Variants in CENPW observed in about 807,000 individuals in gnomAD.
CENPW encodes the protein centromere protein W, also known as cancer-up-regulated gene 2 protein.
CENPW carries 3 observed loss-of-function variants against 11.1 expected under a neutral mutation model. The observed-to-expected ratio is 0.27, with a 90% CI of 0.12 to 0.70. The LOEUF is 0.70. Ranked by LOEUF, CENPW falls within the 30% of genes least tolerant of loss-of-function variation. CENPW has a pLI of 0.77. For synonymous variants in CENPW, 38 were observed against 42.0 expected (o/e 0.91, Z 0.37); for missense variants, 100 against 105.6 (o/e 0.95, Z 0.23).
At chr6:126,413,068 G>A in the CENPW span, among the ~76,000 whole-genome samples, 2 of 151,994 alleles carry the variant, frequency 1.3e-5, no homozygotes, top group African/African-American at 4.8e-5. Flanking sequence ...AGTTATGTTT[G>A]TTTTCTGTAG....
At chr6:126,395,534 T>C in the CENPW span, among the ~76,000 whole-genome samples, 1 of 152,238 alleles carries the variant, frequency 6.6e-6, no homozygotes, top group Admixed American at 6.5e-5. Context: ...CCAGGATTGG[T>C]CTTTGGTGCC....
chr6:126,426,665 A>G, the CENPW span, among the ~76,000 whole-genome samples: 1 of 152,160 alleles, frequency 6.6e-6, no homozygotes, highest in African/African-American at 2.4e-5. Flanking sequence ...CCAATTAGAT[A>G]TTCATAAGGA....
the CENPW span, among the ~76,000 whole-genome samples, chr6:126,403,036 G>A: frequency 2.6e-5 from 4 of 151,890 alleles, no homozygotes; most frequent in Non-Finnish European, 5.9e-5. Context: ...CTTTTATGGT[G>A]ATCTGTAATC....
At chr6:126,432,447 T>C in the CENPW span, among the ~76,000 whole-genome samples, 2 of 152,224 alleles carry the variant, frequency 1.3e-5, no homozygotes, top group Non-Finnish European at 2.9e-5. Flanking sequence ...TACCAAAGAA[T>C]TGGCTTGAAC....
chr6:126,440,481 A>G, the CENPW span, among the ~76,000 whole-genome samples: 2 of 151,618 alleles, frequency 1.3e-5, no homozygotes, highest in East Asian at 1.9e-4. Context: ...CATATTCTAA[A>G]TATTCATCAA....
chr6:126,386,306 C>T, the CENPW span, among the ~76,000 whole-genome samples: 7 of 152,042 alleles, frequency 4.6e-5, no homozygotes, highest in Non-Finnish European at 1.0e-4. Flanking sequence ...ATAACACAAA[C>T]TCCCCATGTG....
chr6:126,360,839 T>C, the CENPW span, among the ~76,000 whole-genome samples: 458 of 152,326 alleles, frequency 3.0e-3, 1 homozygote, highest in Non-Finnish European at 4.7e-3. Context: ...CTGGATTCCT[T>C]GGATTGGGTC....
At chr6:126,394,488 A>C in the CENPW span, among the ~76,000 whole-genome samples, 3 of 152,124 alleles carry the variant, frequency 2.0e-5, no homozygotes, top group Admixed American at 6.6e-5. Flanking sequence ...TTATTTTACT[A>C]TCATGTCTTG....
the CENPW span, among the ~76,000 whole-genome samples, chr6:126,480,606 G>A: frequency 2.2e-4 from 33 of 152,076 alleles, no homozygotes; most frequent in African/African-American, 7.2e-4. Flanking sequence ...AAATGAATGG[G>A]AAGATGAACA....
chr6:126,423,363 A>G, the CENPW span, among the ~76,000 whole-genome samples: 1 of 152,160 alleles, frequency 6.6e-6, no homozygotes, highest in African/African-American at 2.4e-5. Context: ...CACTTGCTTG[A>G]AATTGACATA....
chr6:126,383,284 TGAAAA>T, the CENPW span, among the ~76,000 whole-genome samples: 2 of 152,010 alleles, frequency 1.3e-5, no homozygotes, highest in African/African-American at 4.8e-5. Flanking sequence ...GTACTAAATA[TGAAAA>T]GAAAAGATCA....
the CENPW span, among the ~76,000 whole-genome samples, chr6:126,417,863 A>G: frequency 6.6e-6 from 1 of 152,218 alleles, no homozygotes; most frequent in Middle Eastern, 3.2e-3. Flanking sequence ...TTCAAATCCT[A>G]TATGTCTGTT....
At chr6:126,465,598 A>G in the CENPW span, among the ~76,000 whole-genome samples, 51 of 152,256 alleles carry the variant, frequency 3.3e-4, no homozygotes, top group East Asian at 1.9e-4. Context: ...GAAGTAAAAT[A>G]CTACCTGATT....
At chr6:126,374,289 G>A in the CENPW span, among the ~76,000 whole-genome samples, 11 of 152,100 alleles carry the variant, frequency 7.2e-5, no homozygotes, top group Non-Finnish European at 1.6e-4. Context: ...TTTAAAGGCC[G>A]ATGCAATTCT....
the CENPW span, among the ~76,000 whole-genome samples, chr6:126,439,223 A>G: frequency 6.6e-6 from 1 of 151,746 alleles, no homozygotes; most frequent in Non-Finnish European, 1.5e-5. Flanking sequence ...TCTCCAAAGT[A>G]TTGTAGAATA....
chr6:126,386,190 CAGTA>C, the CENPW span, among the ~76,000 whole-genome samples: 7 of 152,154 alleles, frequency 4.6e-5, no homozygotes, highest in Non-Finnish European at 1.0e-4. Flanking sequence ...TGTCATTTGA[CAGTA>C]AGAGCTCAAA....
the CENPW span, among the ~76,000 whole-genome samples, chr6:126,442,040 A>G: frequency 6.6e-6 from 1 of 151,648 alleles, no homozygotes; most frequent in Non-Finnish European, 1.5e-5. Flanking sequence ...TGTTTTCCAC[A>G]GTGGTTGTAC....
chr6:126,475,684 A>C, the CENPW span, among the ~76,000 whole-genome samples: 4 of 152,036 alleles, frequency 2.6e-5, no homozygotes, highest in Non-Finnish European at 4.4e-5. Flanking sequence ...CTCATTTGTA[A>C]ATGTGGATGA....
the CENPW span, among the ~76,000 whole-genome samples, chr6:126,396,958 G>T: frequency 6.6e-6 from 1 of 151,796 alleles, no homozygotes. Flanking sequence ...ACTCTTTCCT[G>T]TTCTCTCCTC....
Sources: gnomAD v4.1 joint callset for allele counts (sites outside exome capture counted in the v4.1 genomes callset) on GRCh38, gnomAD v4.1.1 for gene constraint, MANE v1.5 for transcripts, NCBI Gene and HGNC (gene_info 2026-07-23, HGNC 2026-07-21) for gene names.